WDR3: variants seen among roughly 807,000 people sequenced by gnomAD.
WDR3 encodes the protein WD repeat domain 3.
In WDR3, 81 loss-of-function variants were observed where a neutral mutation model predicts 123.7. The ratio of observed to expected loss-of-function variants is 0.65; its 90% CI spans 0.55 to 0.79. The LOEUF is 0.79. Among genes scored for constraint, WDR3 ranks in the 30% least tolerant of loss-of-function variants. The pLI, the probability that WDR3 is intolerant of heterozygous loss-of-function variation, is 0.00. For synonymous variants in WDR3, 390 were observed against 388.8 expected (o/e 1.00, Z -0.04); for missense variants, 1,027 against 1,123.2 (o/e 0.91, Z 1.22).
Position 117,959,304 on chromosome 1 carries a change from T to G in WDR3, c.2689T>G (p.Phe897Val), listed in dbSNP as rs2101326671. 6.2e-7 allele frequency: 1 copy of G among 1,610,600 alleles called. No individual in the cohort carries two copies. The highest frequency in any genetic ancestry group is 8.5e-7 in the Non-Finnish European group (1 of 1,179,124). The stretch of plus-strand genomic sequence containing the variant: ...TATTGCACTCCAGGATGTTATCGGC[T>G]TCAATATGGCTGGTCTTGATTATCT... ...KVSQVRDVIG[F>V]NMAGLDYLKR... Residue 897 changes from phenylalanine to valine, a missense_variant, in exon 27 of 27, where the codon TTC becomes GTC. Transcript: ENST00000349139.
chr1:117,948,586 C>T (rs1651493635), intron 13 of WDR3, 80 bp downstream of exon 13: 2 of 1,054,502 alleles, frequency 1.9e-6, no homozygotes, highest in Non-Finnish European at 2.6e-6. Flanking sequence ...TTAAAGAAAG[C>T]CTGAGGTTTT....
intron 25 of WDR3, 85 bp from the exon 26 acceptor site, chr1:117,958,825 A>G: frequency 1.5e-6 from 1 of 660,906 alleles, no homozygotes; most frequent in Non-Finnish European, 2.3e-6. Context: ...TGTTGCTTTG[A>G]TATTGTGTCT....
In WDR3 at chr1:117,966,097, T is replaced by C. The variant is rs1291324853; in HGVS notation, c.*6650T>C. On this transcript the variant is annotated 3_prime_UTR_variant, in exon 27 of 27. Coordinates refer to ENST00000349139, the MANE Select transcript of WDR3 (RefSeq NM_006784.3). ...TAAAATGTGAAGACTTTATTTCTGC[T>C]ACAAATTATATAATACCTTTTAAGA... 6.6e-6 allele frequency: 1 copy of C among 152,282 alleles called. No individual in the cohort carries two copies. Among genetic ancestry groups the C allele is most frequent in the Non-Finnish European group, 1.5e-5 (1 of 68,070 alleles). 9.4% of individuals were successfully genotyped at this position (152,282 alleles called of 1,614,324 possible). A position where few individuals can be genotyped will look rare whatever the true frequency, so the allele number is the denominator to read the frequency against.
At chr1:117,943,977 T>C (rs1651277017) in intron 11 of WDR3, among the ~76,000 whole-genome samples, 3 of 152,232 alleles carry the variant, frequency 2.0e-5, no homozygotes. Context: ...CCCAGATGAC[T>C]GTTTTATACC....
rs759209744 is a variant in WDR3 at position 117,948,359 on chromosome 1, T to C, written c.1423-46T>C. ...ATTGTGCAGTCATGAATCATGGAGG[T>C]TGTACGTATGTTCATTGGAGCTGTG... On this transcript the variant is annotated intron_variant, in intron 12 of 26. Transcript: ENST00000349139. 5 of 1,532,670 alleles carry C rather than the reference T, an allele frequency of 3.3e-6. No homozygotes were observed. In the Admixed American group the frequency reaches 8.5e-5, roughly 26 times the overall value. The allele number at this position is 1,532,670 out of a possible 1,614,324, so 94.9% of individuals were successfully genotyped here. A position where few individuals can be genotyped will look rare whatever the true frequency, so the allele number is the denominator to read the frequency against.
intron 24 of WDR3, among the ~76,000 whole-genome samples, chr1:117,955,774 A>C (rs1054894477): frequency 2.6e-5 from 4 of 152,102 alleles, no homozygotes; most frequent in African/African-American, 9.7e-5. Context: ...AAAAAAAAAA[A>C]ATCATTGGAT....
rs1652824644 is a variant in WDR3, at chr1:117,960,051, T to TA, written c.*606dup. On this transcript the variant is annotated 3_prime_UTR_variant, in exon 27 of 27. Coordinates refer to ENST00000349139, the MANE Select transcript of WDR3 (RefSeq NM_006784.3). ...CTTTTCTGAATAAAATAGTTGTTTC[T>TA]AATTAAAAAGTAGCCAAGCTAAGAT... The TA allele has an allele frequency of 1.3e-5, 2 of 152,286 alleles. No homozygotes were observed. Among genetic ancestry groups the TA allele is most frequent in the South Asian group, 4.1e-4 (2 of 4,820 alleles). 9.4% of individuals were successfully genotyped at this position (152,286 alleles called of 1,614,324 possible).
rs781577126 is a variant in WDR3, at chr1:117,934,568, C to A, written c.267C>A (p.Ile89=). The change falls in exon 3 of 27, where the codon ATC becomes ATA. Residue 89 remains isoleucine (I), a synonymous_variant. Coordinates refer to ENST00000349139, the MANE Select transcript of WDR3 (RefSeq NM_006784.3). The part of the protein sequence containing the change: ...HLAVGYEDGS[I]RIFSLLSGEG... ...CTGTTGGGTATGAGGATGGGTCGAT[C>A]CGAATCTTCAGTCTCCTGAGTGGGG... is the stretch of plus-strand genomic sequence containing the variant. 1.2e-6 allele frequency: 2 copies of A among 1,614,132 alleles called. No homozygotes were observed. Among genetic ancestry groups the A allele is most frequent in the Non-Finnish European group, 1.7e-6 (2 of 1,180,006 alleles).
At position 117,950,889 on chromosome 1, in the gene WDR3, A is replaced by T. The variant is rs755664464; in HGVS notation, c.1802A>T (p.His601Leu). The T allele has an allele frequency of 8.1e-6, 13 of 1,607,110 alleles. No homozygotes were observed. The highest frequency in any genetic ancestry group is 1.7e-4 in the Middle Eastern group (1 of 5,944). ...CCTGTTATATGCATGGACATCTCTC[A>T]TGTAAGTAGTTTAAATAGTGTCTCA... ...KLPVICMDIS[H>L]DGALIATGSA... The change falls in exon 16 of 27, where the codon CAT becomes CTT. Residue 601 changes from histidine to leucine, a missense_variant and splice_region_variant. By Grantham distance (99) the His-to-Leu change is moderately conservative (BLOSUM62 -3). Transcript: ENST00000349139.
At position 117,940,937 on chromosome 1, in the gene WDR3, G is replaced by A. The variant is rs762614444; in HGVS notation, c.786G>A (p.Glu262=). The A allele has an allele frequency of 6.2e-7, 1 of 1,607,434 alleles. No homozygotes were observed. Among genetic ancestry groups the A allele is most frequent in the South Asian group, 1.1e-5 (1 of 89,342 alleles). The change falls in exon 7 of 27, where the codon GAG becomes GAA. Residue 262 remains glutamate (E), a synonymous_variant. Coordinates refer to ENST00000349139, the MANE Select transcript of WDR3 (RefSeq NM_006784.3). The stretch of plus-strand genomic sequence containing the variant: ...CCTTTGAGACGGATGAAGCCCCTGA[G>A]GATGTAATTCATTTTCATTTCTTAA... ...DGAFETDEAP[E]DRILSCRKAG... is the part of the protein sequence containing the mutation.
chr1:117,945,129 T>G (rs774511852), intron 11 of WDR3, among the ~76,000 whole-genome samples: 14 of 152,196 alleles, frequency 9.2e-5, no homozygotes, highest in Non-Finnish European at 1.8e-4. Flanking sequence ...CTGTCATCTC[T>G]CATCTGGGTT....
intron 25 of WDR3, among the ~76,000 whole-genome samples, chr1:117,958,465 G>C (rs1297377907): frequency 6.6e-6 from 1 of 152,208 alleles, no homozygotes; most frequent in Non-Finnish European, 1.5e-5. Flanking sequence ...GACAGGTATG[G>C]TAGGGTCATC....
In WDR3 at chr1:117,943,308, G is replaced by A. The variant is rs1022546891; in HGVS notation, c.1098-88G>A. 2.7e-6 allele frequency: 3 copies of A among 1,109,966 alleles called. No homozygotes were observed. In the African/African-American group the frequency reaches 4.7e-5, roughly 17 times the overall value. The allele number at this position is 1,109,966 out of a possible 1,614,324, so 68.8% of individuals were successfully genotyped here. ...TAGTTATTCAAACTTTATATAGATA[G>A]AGGACATTGTAAAGCCTTTTCCTGG... On this transcript the variant is annotated intron_variant, in intron 10 of 26. Coordinates refer to ENST00000349139, the MANE Select transcript of WDR3 (RefSeq NM_006784.3).
intron 16 of WDR3, among the ~76,000 whole-genome samples, chr1:117,951,742 C>G (rs1376034937): frequency 6.6e-6 from 1 of 152,008 alleles, no homozygotes; most frequent in Non-Finnish European, 1.5e-5. Flanking sequence ...ACAGCACTGC[C>G]CTGTGACAGT....
chr1:117,955,182 A>G, intron 23 of WDR3, 133 bp from the exon 24 acceptor site: 1 of 674,992 alleles, frequency 1.5e-6, no homozygotes. Flanking sequence ...AAACTCATGC[A>G]GATCTTGCCA....
Position 117,959,620 on chromosome 1 carries a change from T to A in WDR3, c.*173T>A. Reference sequence around the variant, plus strand: ...CTGAGGGAATTCCAACATGAGATTATGGGCTGGCTCCATTTCTTGGACTTA... The same window carrying A: ...CTGAGGGAATTCCAACATGAGATTAAGGGCTGGCTCCATTTCTTGGACTTA... On this transcript the variant is annotated 3_prime_UTR_variant, in exon 27 of 27. Transcript: ENST00000349139. The A allele has an allele frequency of 1.7e-6, 1 of 605,516 alleles. No homozygotes were observed. The highest frequency in any genetic ancestry group is 2.6e-6 in the Non-Finnish European group (1 of 385,418). 37.5% of individuals were successfully genotyped at this position (605,516 alleles called of 1,614,324 possible). A position where few individuals can be genotyped will look rare whatever the true frequency, so the allele number is the denominator to read the frequency against.
rs761116228 is a variant in WDR3, at chr1:117,936,831, C to G, written c.444C>G (p.His148Gln). The change falls in exon 4 of 27, where the codon CAC becomes CAG. Residue 148 changes from histidine (H) to glutamine (Q), a missense_variant. Coordinates refer to ENST00000349139, the MANE Select transcript of WDR3 (RefSeq NM_006784.3). ...GTGGTCTGTACCGTCTAAAGGGGCA[C>G]AAGGATGCCATCACACAAGCATTGT... The part of the protein sequence containing the change: ...NESGLYRLKG[H>Q]KDAITQALFL... 6.2e-7 allele frequency: 1 copy of G among 1,613,392 alleles called. No homozygotes were observed.
intron 4 of WDR3, 123 bp from the exon 5 acceptor site, chr1:117,938,357 G>A (rs897653222): frequency 5.8e-5 from 39 of 669,624 alleles, no homozygotes; most frequent in Middle Eastern, 4.2e-4. Context: ...AGAGAGAATC[G>A]GAGCTTTAGA....
chr1:117,958,799 A>G (rs1481119685), intron 25 of WDR3, 111 bp from the exon 26 acceptor site: 2 of 571,070 alleles, frequency 3.5e-6, no homozygotes, highest in East Asian at 3.2e-5. Flanking sequence ...AAACATTTCT[A>G]TAATGTATAT....
Sources: allele counts gnomAD v4.1 joint callset (sites outside exome capture counted in the v4.1 genomes callset), GRCh38; gene constraint gnomAD v4.1.1; transcripts MANE v1.5; gene names NCBI Gene and HGNC (gene_info 2026-07-23, HGNC 2026-07-21).